The following MIPEP variants were observed in gnomAD, a reference collection of about 807,000 sequenced individuals.
The protein encoded by MIPEP is mitochondrial intermediate peptidase.
In MIPEP, 79 loss-of-function variants were observed where a neutral mutation model predicts 90.3. The observed-to-expected ratio is 0.87, with a 90% CI of 0.73 to 1.05. The LOEUF is 1.05. MIPEP is among the 50% of genes least tolerant of loss of function. The pLI, the probability that MIPEP is intolerant of heterozygous loss-of-function variation, is 0.00. For synonymous variants in MIPEP, 334 were observed against 315.8 expected, an observed-to-expected ratio of 1.06 and a Z score of -0.61; for missense variants, 940 against 905.6, an observed-to-expected ratio of 1.04 and a Z score of -0.49.
At chr13:23,872,029 TTCA>T (rs1294278880) in intron 5 of MIPEP, among the ~76,000 whole-genome samples, 1 of 152,252 alleles carries the variant, frequency 6.6e-6, no homozygotes, top group African/African-American at 2.4e-5. Flanking sequence ...GGCATATCAC[TTCA>T]TCATTCTGTG....
chr13:23,805,063 T>C (rs1953092094), intron 16 of MIPEP, among the ~76,000 whole-genome samples: 1 of 152,160 alleles, frequency 6.6e-6, no homozygotes, highest in Admixed American at 6.5e-5. Flanking sequence ...TAAATCCAAC[T>C]TACTTGAAAC....
chr13:23,754,301 G>C (rs979088776), intron 18 of MIPEP, among the ~76,000 whole-genome samples: 7 of 152,186 alleles, frequency 4.6e-5, no homozygotes, highest in Admixed American at 1.3e-4. Flanking sequence ...GCCCTATGAA[G>C]TGACAACTGG....
At position 23,766,525 on chromosome 13, in the gene MIPEP, T is replaced by C. The variant is rs539275995; in HGVS notation, c.1849-6308A>G. 8.5e-5 allele frequency among the ~76,000 whole-genome samples: 13 copies of C among 152,358 alleles called. No homozygotes were observed. In the South Asian group the frequency reaches 2.3e-3, roughly 27 times the overall value. On this transcript the variant is annotated intron_variant, in intron 16 of 18. Coordinates refer to ENST00000382172, the MANE Select transcript of MIPEP (RefSeq NM_005932.4). ...GAAGTGTTTAACGATTTAACCACAA[T>C]GTAGAGCAGAGGACATATCCTTCTA... is the stretch of plus-strand genomic sequence containing the variant.
intron 12 of MIPEP, among the ~76,000 whole-genome samples, chr13:23,837,968 TCA>T (rs1031091901): frequency 1.3e-5 from 2 of 152,182 alleles, no homozygotes; most frequent in Non-Finnish European, 2.9e-5. Flanking sequence ...AAGAACACAT[TCA>T]GTTTCTATGG....
chr13:23,771,601 AAAT>A (rs1333135563), intron 16 of MIPEP, among the ~76,000 whole-genome samples: 2 of 151,932 alleles, frequency 1.3e-5, no homozygotes, highest in Non-Finnish European at 2.9e-5. Flanking sequence ...AACAAAATTA[AAAT>A]AATACTGCTA....
At chr13:23,814,781 C>T (rs753450789) in intron 14 of MIPEP, among the ~76,000 whole-genome samples, 4 of 152,164 alleles carry the variant, frequency 2.6e-5, no homozygotes, top group Non-Finnish European at 4.4e-5. Flanking sequence ...CCATTCGTTC[C>T]ATGAACTTAA....
intron 14 of MIPEP, among the ~76,000 whole-genome samples, chr13:23,817,021 G>A (rs1953248184): frequency 6.6e-6 from 1 of 152,112 alleles, no homozygotes; most frequent in Admixed American, 6.5e-5. Context: ...CAGACACCTC[G>A]AGGGCCCTGA....
At chr13:23,733,431 G>A (rs1208425105) in intron 18 of MIPEP, among the ~76,000 whole-genome samples, 1 of 152,194 alleles carries the variant, frequency 6.6e-6, no homozygotes, top group African/African-American at 2.4e-5. Context: ...CTCTGAACCA[G>A]GGCAACCAAC....
chr13:23,786,714 T>C (rs927051788), intron 16 of MIPEP, among the ~76,000 whole-genome samples: 1 of 152,162 alleles, frequency 6.6e-6, no homozygotes, highest in African/African-American at 2.4e-5. Flanking sequence ...AGTTAGCATT[T>C]GTGGAGCATC....
At chr13:23,850,080 T>A (rs1201293194) in intron 10 of MIPEP, among the ~76,000 whole-genome samples, 1 of 152,182 alleles carries the variant, frequency 6.6e-6, no homozygotes, top group Non-Finnish European at 1.5e-5. Context: ...AGAGGCTTGT[T>A]ACAGAATGAA....
chr13:23,786,326 AATACTAGAAGAAAAT>A (rs1187607829), intron 16 of MIPEP, among the ~76,000 whole-genome samples: 1 of 152,218 alleles, frequency 6.6e-6, no homozygotes, highest in Non-Finnish European at 1.5e-5. Context: ...TAAAATCATA[AATACTAGAAGAAAAT>A]ATAGGCAAAA....
intron 10 of MIPEP, among the ~76,000 whole-genome samples, chr13:23,849,023 T>C (rs1249471182): frequency 1.3e-5 from 2 of 152,104 alleles, no homozygotes; most frequent in Non-Finnish European, 2.9e-5. Context: ...TCAGCTCACG[T>C]CTTCAACACG....
intron 7 of MIPEP, among the ~76,000 whole-genome samples, chr13:23,865,711 C>T (rs1353064747): frequency 6.6e-6 from 1 of 151,114 alleles, no homozygotes; most frequent in Non-Finnish European, 1.5e-5. Flanking sequence ...GCTCTGTTGC[C>T]CAGGCTGGAG....
In MIPEP at chr13:23,806,035, C is replaced by T; in HGVS notation, c.1763G>A (p.Gly588Glu). ...GGTTGAATTCCTCAGGGGATGCTTC[C>T]CATGGTAGATTTGATCCAGAGTGGC... ...FYATLDQIYH[G>E]KHPLRNSTTD... The change falls in exon 16 of 19, where the codon GGG becomes GAG. Residue 588 changes from glycine to glutamate, a missense_variant. Gly to Glu is a moderately conservative substitution (Grantham distance 98). Transcript: ENST00000382172. The T allele has an allele frequency of 1.2e-6, 2 of 1,613,462 alleles. No homozygotes were observed. Among genetic ancestry groups the T allele is most frequent in the South Asian group, 2.2e-5 (2 of 91,068 alleles).
chr13:23,780,236 G>C (rs538116176), intron 16 of MIPEP, among the ~76,000 whole-genome samples: 1 of 152,316 alleles, frequency 6.6e-6, no homozygotes, highest in Admixed American at 6.5e-5. Flanking sequence ...CACACGGCCG[G>C]GTACCCCTCT....
rs960573492 is a variant in MIPEP, at chr13:23,754,269, T to C, written c.2044+2276A>G. Among the ~76,000 whole-genome samples the C allele has an allele frequency of 7.2e-5, 11 of 152,200 alleles. No individual in the cohort carries two copies. In the East Asian group the frequency reaches 2.1e-3, roughly 29 times the overall value. On this transcript the variant is annotated intron_variant, in intron 18 of 18. Transcript: ENST00000382172. Reference sequence around the variant, plus strand: ...CCAAGAAAATGAGAAGCCACTACTATGGGTCTTAGCTTACAAATCCAGCCC... The same window carrying C: ...CCAAGAAAATGAGAAGCCACTACTACGGGTCTTAGCTTACAAATCCAGCCC...
intron 12 of MIPEP, 126 bp downstream of exon 12, chr13:23,839,523 A>G (rs1049167491): frequency 1.0e-5 from 5 of 500,638 alleles, no homozygotes; most frequent in Non-Finnish European, 1.7e-5. Context: ...TCAAATGTAT[A>G]TATTTGGTAA....
intron 5 of MIPEP, among the ~76,000 whole-genome samples, chr13:23,874,057 TA>T (rs1298780818): frequency 6.6e-6 from 1 of 152,230 alleles, no homozygotes; most frequent in Admixed American, 6.5e-5. Context: ...TTTGATAACT[TA>T]ATCTCTTCAT....
At chr13:23,886,545 T>G (rs747491720) in intron 1 of MIPEP, 39 bp from the exon 2 acceptor site, 1 of 1,473,952 alleles carries the variant, frequency 6.8e-7, no homozygotes, top group South Asian at 1.4e-5. Flanking sequence ...TAACCAAAAT[T>G]CAAAATTGTG....
Sources: gnomAD v4.1 joint callset for allele counts (sites outside exome capture counted in the v4.1 genomes callset) on GRCh38, gnomAD v4.1.1 for gene constraint, MANE v1.5 for transcripts, NCBI Gene and HGNC (gene_info 2026-07-23, HGNC 2026-07-21) for gene names.